Variants in HIP1R observed in about 807,000 individuals in gnomAD.
HIP1R encodes huntingtin-interacting protein 1-related protein.
Under a neutral mutation model 144.2 loss-of-function variants are expected in HIP1R, and 135 were observed. The ratio of observed to expected loss-of-function variants is 0.94; its 90% CI spans 0.81 to 1.08. The LOEUF (loss-of-function observed/expected upper bound fraction) is 1.08, where lower values mean the gene tolerates loss of function less well. Ranked by LOEUF, HIP1R falls within the 50% of genes least tolerant of loss-of-function variation. The probability of loss-of-function intolerance (pLI) is 0.00; values close to 1 mark genes in which losing one functional copy is unlikely to be tolerated. For synonymous variants in HIP1R, 698 were observed against 612.8 expected (o/e 1.14, Z -2.05); for missense variants, 1,462 against 1,432.8 (o/e 1.02, Z -0.33).
Position 122,860,409 on chromosome 12 carries a change from C to A in HIP1R, c.2560-14C>A. 6.2e-7 allele frequency: 1 copy of A among 1,612,830 alleles called. No homozygotes were observed. The highest frequency in any genetic ancestry group is 1.1e-5 in the South Asian group (1 of 91,076). On this transcript the variant is annotated splice_polypyrimidine_tract_variant and intron_variant, in intron 26 of 31. Coordinates refer to ENST00000253083, the MANE Select transcript of HIP1R (RefSeq NM_003959.3). ...TGACTGGCATGTCCTGCCCTGTTCT[C>A]CCGTCGCCACTAGGGGGCAGCCACG...
intron 7 of HIP1R, chr12:122,853,827 C>A (rs1383484083): frequency 1.2e-5 from 6 of 504,558 alleles, no homozygotes; most frequent in Non-Finnish European, 2.1e-5. Context: ...CTGGGAGCTC[C>A]TTTGCCCTGA....
intron 7 of HIP1R, among the ~76,000 whole-genome samples, chr12:122,851,988 C>CGAA (rs950066515): frequency 1.1e-4 from 16 of 152,202 alleles, no homozygotes; most frequent in African/African-American, 3.9e-4. Context: ...TAGAAAGCCT[C>CGAA]TGAGTCACGT....
chr12:122,852,967 T>TC (rs146226721), intron 7 of HIP1R, among the ~76,000 whole-genome samples: 3,033 of 151,984 alleles, frequency 0.02, 102 homozygotes, highest in African/African-American at 0.068. Flanking sequence ...TTCTTGCCCC[T>TC]CCCCCCCAGG....
At position 122,840,131 on chromosome 12, in the gene HIP1R, TC is replaced by T. The variant is rs1432467979; in HGVS notation, c.93+4491del. Among the ~76,000 whole-genome samples the T allele has an allele frequency of 6.6e-6, 1 of 152,230 alleles. No homozygotes were observed. The highest frequency in any genetic ancestry group is 3.2e-3 in the Middle Eastern group (1 of 316). On this transcript the variant is annotated intron_variant, in intron 1 of 31. Coordinates refer to ENST00000253083, the MANE Select transcript of HIP1R (RefSeq NM_003959.3). The surrounding 1 kb of genome is among the most constrained non-coding windows in gnomAD (Gnocchi z 4.2). ...GGTGATGCCCGGCAGGCCGCTGACT[TC>T]CCGACCCCTGGGCTGCATATTGCCT...
chr12:122,859,027 G>A, intron 21 of HIP1R, 34 bp from the exon 22 acceptor site: 1 of 1,212,006 alleles, frequency 8.3e-7, no homozygotes, highest in Non-Finnish European at 1.1e-6. Flanking sequence ...CTGTCGGTGG[G>A]GGGGGCTCCA....
At chr12:122,857,430 G>A (rs953209338) in intron 18 of HIP1R, 5 of 612,844 alleles carry the variant, frequency 8.2e-6, no homozygotes, top group Middle Eastern at 4.0e-4. Flanking sequence ...TGGCTGAGTC[G>A]TACTCTGCCG....
rs374914201 is a variant in HIP1R, at chr12:122,859,415, A to T, written c.2296-11A>T. 5 of 1,609,688 alleles carry T rather than the reference A, an allele frequency of 3.1e-6. No individual in the cohort carries two copies. In the East Asian group the frequency reaches 1.1e-4, roughly 36 times the overall value. ...CGGAGGCTACCCCTGTCTGACTCCC[A>T]TCCTCACCAGGAACTGAAACCCAAG... On this transcript the variant is annotated splice_polypyrimidine_tract_variant and intron_variant, in intron 22 of 31. Coordinates refer to ENST00000253083, the MANE Select transcript of HIP1R (RefSeq NM_003959.3).
chr12:122,859,649 G>A (rs2033704617), intron 23 of HIP1R, 113 bp downstream of exon 23: 2 of 1,377,638 alleles, frequency 1.5e-6, no homozygotes, highest in Admixed American at 1.9e-5. Flanking sequence ...TCCAGACAGA[G>A]GACAGATGGC....
chr12:122,849,977 T>C (rs1281210931), intron 5 of HIP1R, 22 bp downstream of exon 5: 2 of 1,564,642 alleles, frequency 1.3e-6, no homozygotes, highest in African/African-American at 1.4e-5. Flanking sequence ...GGGGGAGTCA[T>C]GGGGCTGAGG....
chr12:122,861,010 A>G lies in HIP1R; in HGVS notation c.2861A>G (p.Lys954Arg), dbSNP rs768797927. 8 of 1,613,702 alleles carry G rather than the reference A, an allele frequency of 5.0e-6. No individual in the cohort carries two copies. Among genetic ancestry groups the G allele is most frequent in the East Asian group, 2.2e-5 (1 of 44,852 alleles). Reference protein sequence around the residue: ...ERAANVVASTKSGQEQIEDRD... With the variant: ...ERAANVVASTRSGQEQIEDRD... ...GCTGCCAATGTGGTGGCCTCCACCA[A>G]GTCAGGCCAGGAGCAGATTGAGGAC... Residue 954 changes from lysine to arginine, a missense_variant, in exon 29 of 32, where the codon AAG becomes AGG. This residue lies in a region of HIP1R where 1,112 missense variants were observed against 1,011.7 expected (regional missense o/e 1.10). Coordinates refer to ENST00000253083, the MANE Select transcript of HIP1R (RefSeq NM_003959.3).
rs995959475 is a variant in HIP1R at position 122,858,562 on chromosome 12, C to CTG, written c.2050+128_2050+129dup. ...CTCTGGGAAGCCAAGCAGATGCCCC[C>CTG]TGCCTGCTCCTTCCCAGGAACCCAC... On this transcript the variant is annotated intron_variant, in intron 20 of 31. Coordinates refer to ENST00000253083, the MANE Select transcript of HIP1R (RefSeq NM_003959.3). 6 of 760,884 alleles carry CTG rather than the reference C, an allele frequency of 7.9e-6. No individual in the cohort carries two copies. In the African/African-American group the frequency reaches 8.8e-5, roughly 11 times the overall value. 47.1% of individuals were successfully genotyped at this position (760,884 alleles called of 1,614,324 possible).
At position 122,861,166 on chromosome 12, in the gene HIP1R, C is replaced by T. The variant is rs770357254; in HGVS notation, c.2926C>T (p.Leu976=). 1 of 1,611,942 alleles carries T rather than the reference C, an allele frequency of 6.2e-7. No homozygotes were observed. ...TTTCTCCGGCCTGTCCCTCATCAAG[C>T]TGAAGAAGCAGGAGATGGAGACCCA... ...MDFSGLSLIK[L]KKQEMETQVR... is the part of the protein sequence containing the mutation. The change falls in exon 30 of 32, where the codon CTG becomes TTG. Residue 976 remains leucine (L), a synonymous_variant. Transcript: ENST00000253083.
Position 122,856,243 on chromosome 12 carries a change from C to A in HIP1R, c.1313-13C>A, listed in dbSNP as rs2033572155. The A allele has an allele frequency of 6.2e-7, 1 of 1,613,462 alleles. No homozygotes were observed. Among genetic ancestry groups the A allele is most frequent in the Admixed American group, 1.7e-5 (1 of 60,002 alleles). ...CCCACACGGGGCATCACTGCCCCTC[C>A]TCTCGCCCCCAGGGAAGGCCAGTGC... On this transcript the variant is annotated splice_polypyrimidine_tract_variant and intron_variant, in intron 14 of 31. Transcript: ENST00000253083.
At chr12:122,835,760 A>G (rs961775864) in intron 1 of HIP1R, 117 bp downstream of exon 1, 1 of 425,440 alleles carries the variant, frequency 2.4e-6, no homozygotes, top group Non-Finnish European at 3.1e-6. Flanking sequence ...GGGGCGGGGG[A>G]CGGCGCGGGG....
chr12:122,842,703 G>A lies in HIP1R; in HGVS notation c.94-5328G>A, dbSNP rs1047625771. Reference sequence around the variant, plus strand: ...CTTTGCTGACAGTGCCCATTCCTGCGGTCTGTTTCCATCTGGACTCCACAT... The same window carrying A: ...CTTTGCTGACAGTGCCCATTCCTGCAGTCTGTTTCCATCTGGACTCCACAT... On this transcript the variant is annotated intron_variant, in intron 1 of 31. Coordinates refer to ENST00000253083, the MANE Select transcript of HIP1R (RefSeq NM_003959.3). Among the ~76,000 whole-genome samples the A allele has an allele frequency of 7.9e-5, 12 of 152,176 alleles. 1 individual carries two copies. Among genetic ancestry groups the A allele is most frequent in the Admixed American group, 2.6e-4 (4 of 15,270 alleles).
intron 1 of HIP1R, among the ~76,000 whole-genome samples, chr12:122,837,207 T>A (rs561464344): frequency 7.2e-5 from 11 of 152,302 alleles, no homozygotes; most frequent in African/African-American, 2.6e-4. Context: ...ACTTCATTGA[T>A]CTTACTCTTA....
intron 17 of HIP1R, 85 bp from the exon 18 acceptor site, chr12:122,856,936 C>T: frequency 7.6e-7 from 1 of 1,316,982 alleles, no homozygotes; most frequent in East Asian, 2.6e-5. Flanking sequence ...CACTAACCCC[C>T]AGGGCCCAGT....
chr12:122,860,649 CCCTGGCCCTG>C lies in HIP1R; in HGVS notation c.2661-29_2661-20del. On this transcript the variant is annotated intron_variant, in intron 27 of 31. Coordinates refer to ENST00000253083, the MANE Select transcript of HIP1R (RefSeq NM_003959.3). ...TGCCAGCCGTCCGTGGGGTCAGAGA[CCCTGGCCCTG>C]ACTGGCCCTTGACCCGCAGGGAGGC... 1 of 1,602,856 alleles carries C rather than the reference CCCTGGCCCTG, an allele frequency of 6.2e-7. No homozygotes were observed. The highest frequency in any genetic ancestry group is 8.5e-7 in the Non-Finnish European group (1 of 1,170,720).
rs550485704 is a variant in HIP1R at position 122,860,906 on chromosome 12, C to T, written c.2767-10C>T. 6.0e-5 allele frequency: 97 copies of T among 1,607,638 alleles called. No individual in the cohort carries two copies. In the South Asian group the frequency reaches 7.4e-4, roughly 12 times the overall value. On this transcript the variant is annotated splice_polypyrimidine_tract_variant and intron_variant, in intron 28 of 31. Transcript: ENST00000253083. The stretch of plus-strand genomic sequence containing the variant: ...GAGACCTGGGCCCACCCTGACCTCT[C>T]GCCCCTCAGGTGAAGGCCAACAAGC...
Sources: gnomAD v4.1 joint callset for allele counts (sites outside exome capture counted in the v4.1 genomes callset) on GRCh38, gnomAD v4.1.1 for gene constraint, gnomAD v4.1.1 regional missense constraint, Gnocchi (gnomAD v3.1) non-coding constraint, MANE v1.5 for transcripts, NCBI Gene and HGNC (gene_info 2026-07-23, HGNC 2026-07-21) for gene names.